Variants in CLIC5 observed in about 807,000 individuals in gnomAD.
CLIC5 encodes CLIC family member 5, also known as chloride intracellular channel protein 5.
Under a neutral mutation model 24.7 loss-of-function variants are expected in CLIC5, and 20 were observed. That is an observed-to-expected ratio of 0.81 (90% CI 0.57 to 1.18). The LOEUF (loss-of-function observed/expected upper bound fraction) is 1.18, where lower values mean the gene tolerates loss of function less well. Ranked by LOEUF, CLIC5 falls within the 50% of genes most tolerant of loss-of-function variation. The probability of loss-of-function intolerance (pLI) is 0.00; values close to 1 mark genes in which losing one functional copy is unlikely to be tolerated. For missense variants in CLIC5, 341 were observed against 326.1 expected, an observed-to-expected ratio of 1.05 and a Z score of -0.35; for synonymous variants, 159 against 135.6, an observed-to-expected ratio of 1.17 and a Z score of -1.20.
the CLIC5 span, among the ~76,000 whole-genome samples, chr6:46,119,705 T>A: frequency 6.6e-6 from 1 of 152,218 alleles, no homozygotes; most frequent in Non-Finnish European, 1.5e-5. Context: ...TGTGACAGAC[T>A]GCACCTTGAA....
At chr6:45,970,017 A>G (rs1014914411) in intron 1 of CLIC5, among the ~76,000 whole-genome samples, 1 of 152,060 alleles carries the variant, frequency 6.6e-6, no homozygotes, top group Admixed American at 6.5e-5. Flanking sequence ...GGCAGAAAGC[A>G]CTCAGTGCAT....
chr6:46,074,586 C>T (rs1000269888), intron 1 of CLIC5, among the ~76,000 whole-genome samples: 2 of 152,218 alleles, frequency 1.3e-5, no homozygotes, highest in Non-Finnish European at 2.9e-5. Flanking sequence ...CATGAGGGCC[C>T]TATAAGTGTT....
the CLIC5 span, among the ~76,000 whole-genome samples, chr6:46,119,049 T>C: frequency 6.6e-6 from 1 of 152,166 alleles, no homozygotes; most frequent in Non-Finnish European, 1.5e-5. Context: ...GGAATATAGG[T>C]GGCCTCTAGA....
the CLIC5 span, among the ~76,000 whole-genome samples, chr6:46,113,323 T>A: frequency 6.6e-6 from 1 of 151,312 alleles, no homozygotes; most frequent in African/African-American, 2.4e-5. Flanking sequence ...GAGTAAGAAG[T>A]GGGAAGGAAA....
chr6:46,095,471 A>T, the CLIC5 span, among the ~76,000 whole-genome samples: 150 of 152,228 alleles, frequency 9.9e-4, 1 homozygote, highest in African/African-American at 3.5e-3. Context: ...GCCAGGTCAC[A>T]TCTTGAACAT....
the CLIC5 span, among the ~76,000 whole-genome samples, chr6:46,085,913 G>T: frequency 1.1e-4 from 16 of 152,342 alleles, no homozygotes; most frequent in East Asian, 2.1e-3. Context: ...CAAGTTTCCC[G>T]GCTGCTTTGT....
At chr6:46,103,080 A>T in the CLIC5 span, among the ~76,000 whole-genome samples, 4 of 152,142 alleles carry the variant, frequency 2.6e-5, no homozygotes, top group South Asian at 8.3e-4. Context: ...TTTTGAGGAT[A>T]ACAAACAGCA....
the CLIC5 span, among the ~76,000 whole-genome samples, chr6:46,096,625 T>C: frequency 2.1e-4 from 32 of 152,278 alleles, no homozygotes; most frequent in Non-Finnish European, 4.3e-4. Flanking sequence ...CTCCAACATA[T>C]GAGAGATGCA....
At chr6:45,938,403 A>G (rs1764014897) in intron 4 of CLIC5, among the ~76,000 whole-genome samples, 1 of 152,174 alleles carries the variant, frequency 6.6e-6, no homozygotes, top group African/African-American at 2.4e-5. Flanking sequence ...GGTGGGAGGA[A>G]GGACAAGTAA....
chr6:46,082,239 A>G (rs1260367163), upstream of CLIC5, among the ~76,000 whole-genome samples: 2 of 152,218 alleles, frequency 1.3e-5, no homozygotes, highest in African/African-American at 2.4e-5. Context: ...CCTCACCACA[A>G]TGACCCAGTG....
rs184534662 is a variant in CLIC5, at chr6:45,900,716, C to T, written c.*2372G>A. The stretch of plus-strand genomic sequence containing the variant: ...AAGTGCCTTCCTTCTGTACTCCTCC[C>T]TCTCTTTCAAATGGCTATCATTGAT... On this transcript the variant is annotated 3_prime_UTR_variant, in exon 6 of 6. Coordinates refer to ENST00000339561, the MANE Select transcript of CLIC5 (RefSeq NM_016929.5). 2.6e-5 allele frequency: 4 copies of T among 152,250 alleles called. No homozygotes were observed. In the East Asian group the frequency reaches 5.8e-4, roughly 22 times the overall value. 9.4% of individuals were successfully genotyped at this position (152,250 alleles called of 1,614,324 possible).
At chr6:45,951,755 T>A (rs1055804761) in intron 2 of CLIC5, among the ~76,000 whole-genome samples, 1 of 151,876 alleles carries the variant, frequency 6.6e-6, no homozygotes, top group Non-Finnish European at 1.5e-5. Flanking sequence ...TGGAAAACAT[T>A]AAACGCAGAA....
At chr6:46,046,097 G>A (rs563607828) in intron 1 of CLIC5, among the ~76,000 whole-genome samples, 1 of 152,322 alleles carries the variant, frequency 6.6e-6, no homozygotes, top group East Asian at 1.9e-4. Flanking sequence ...GGACTTTGGT[G>A]AAACATTAGT....
chr6:46,103,074 G>A, the CLIC5 span, among the ~76,000 whole-genome samples: 1 of 146,780 alleles, frequency 6.8e-6, no homozygotes, highest in Non-Finnish European at 1.5e-5. Flanking sequence ...TTTTTTTTTT[G>A]AGGATAACAA....
intron 4 of CLIC5, among the ~76,000 whole-genome samples, chr6:45,933,030 C>A (rs771142174): frequency 6.6e-6 from 1 of 152,192 alleles, no homozygotes. Flanking sequence ...CCTAGAATAA[C>A]CCGAGAGTCT....
At chr6:46,107,625 A>G in the CLIC5 span, among the ~76,000 whole-genome samples, 1 of 152,372 alleles carries the variant, frequency 6.6e-6, no homozygotes, top group East Asian at 1.9e-4. Flanking sequence ...TTCGGTTTAA[A>G]AAAGGTTATA....
the CLIC5 span, among the ~76,000 whole-genome samples, chr6:46,105,303 A>C: frequency 6.6e-6 from 1 of 152,192 alleles, no homozygotes; most frequent in Admixed American, 6.5e-5. Flanking sequence ...AAAATCTGTT[A>C]GAGATTTAAA....
intron 1 of CLIC5, among the ~76,000 whole-genome samples, chr6:45,993,859 G>A (rs888055796): frequency 1.3e-5 from 2 of 152,318 alleles, no homozygotes; most frequent in Middle Eastern, 3.4e-3. Context: ...AGCAAGCCCT[G>A]CGGAAATCAT....
At chr6:45,932,265 C>T (rs776989671) in intron 4 of CLIC5, among the ~76,000 whole-genome samples, 45 of 152,276 alleles carry the variant, frequency 3.0e-4, no homozygotes, top group Non-Finnish European at 4.9e-4. Flanking sequence ...CATGCCCCCA[C>T]GACCAGCTAA....
Sources: allele counts gnomAD v4.1 joint callset (sites outside exome capture counted in the v4.1 genomes callset), GRCh38; gene constraint gnomAD v4.1.1; transcripts MANE v1.5; gene names NCBI Gene and HGNC (gene_info 2026-07-23, HGNC 2026-07-21).